The following MMP24 variants were observed in gnomAD, a reference collection of about 807,000 sequenced individuals.
MMP24 encodes the protein matrix metalloproteinase-24.
MMP24 carries 25 observed loss-of-function variants against 62.8 expected under a neutral mutation model. That is an observed-to-expected ratio of 0.40 (90% CI 0.29 to 0.56). MMP24 has a LOEUF of 0.56. MMP24 is among the 20% of genes least tolerant of loss of function. MMP24 has a pLI of 0.50. For missense variants in MMP24, 634 were observed against 853.6 expected, an observed-to-expected ratio of 0.74 and a Z score of 3.21; for synonymous variants, 319 against 350.5, an observed-to-expected ratio of 0.91 and a Z score of 1.00.
chr20:35,264,645 T>C (rs951662987), intron 5 of MMP24, among the ~76,000 whole-genome samples: 2 of 132,714 alleles, frequency 1.5e-5, no homozygotes, highest in African/African-American at 5.8e-5. Context: ...GAGGCAGAGG[T>C]TGCAGTGAGC....
At chr20:35,238,618 A>G (rs370824445) in intron 1 of MMP24, among the ~76,000 whole-genome samples, 31 of 152,268 alleles carry the variant, frequency 2.0e-4, no homozygotes, top group African/African-American at 7.0e-4. Flanking sequence ...TTAACTGCAG[A>G]GATGGAAAGC....
Position 35,275,189 on chromosome 20 carries a change from T to C in MMP24, c.*580T>C, listed in dbSNP as rs751436216. On this transcript the variant is annotated 3_prime_UTR_variant, in exon 9 of 9. Transcript: ENST00000246186. ...GATCCCTCAGGAAACCTGCTCCACT[T>C]GTCAGGGTCTCTTCGGAGACCCAGG... The C allele has an allele frequency of 6.8e-4, 106 of 156,332 alleles. No homozygotes were observed. Among genetic ancestry groups the C allele is most frequent in the Non-Finnish European group, 1.4e-3 (96 of 70,320 alleles). The allele number at this position is 156,332 out of a possible 1,614,324, so 9.7% of individuals were successfully genotyped here. A position where few individuals can be genotyped will look rare whatever the true frequency, so the allele number is the denominator to read the frequency against.
intron 4 of MMP24, among the ~76,000 whole-genome samples, chr20:35,262,538 T>A (rs1471931155): frequency 6.6e-6 from 1 of 151,240 alleles, no homozygotes; most frequent in African/African-American, 2.5e-5. Flanking sequence ...TCTCAGTAGA[T>A]GGAGCATACA....
At chr20:35,239,190 G>GCACC (rs1827506927) in intron 1 of MMP24, among the ~76,000 whole-genome samples, 1 of 151,912 alleles carries the variant, frequency 6.6e-6, no homozygotes, top group Non-Finnish European at 1.5e-5. Context: ...AGGATTACAG[G>GCACC]CGCACGCCCG....
rs774364378 is a variant in MMP24, at chr20:35,271,599, C to T, written c.1364C>T (p.Thr455Met). The change falls in exon 8 of 9, where the codon ACG becomes ATG. Residue 455 changes from threonine to methionine, a missense_variant. By Grantham distance (81) the Thr-to-Met change is moderately conservative. This residue lies in a region of MMP24 where 399 missense variants were observed against 530.8 expected (regional missense o/e 0.75). Transcript: ENST00000246186. This position sits in a 1 kb window ranked among gnomAD's most constrained non-coding sequence, Gnocchi z 4.0. The stretch of plus-strand genomic sequence containing the variant: ...AAGTATTGGGTGTTTAAGGAGGTGA[C>T]GGTGGAGCCTGGGTACCCCCACAGC... The part of the protein sequence containing the change: ...GDKYWVFKEV[T>M]VEPGYPHSLG... The T allele has an allele frequency of 6.8e-6, 11 of 1,612,722 alleles. No individual in the cohort carries two copies. The East Asian group carries it at 1.1e-4, about 16-fold the overall frequency.
At chr20:35,253,768 C>A (rs180737128) in intron 3 of MMP24, among the ~76,000 whole-genome samples, 1 of 147,806 alleles carries the variant, frequency 6.8e-6, no homozygotes, top group Non-Finnish European at 1.5e-5. Flanking sequence ...AAACTCCTCT[C>A]TATTATTTGA....
intron 1 of MMP24, among the ~76,000 whole-genome samples, chr20:35,244,731 C>CG (rs2060506099): frequency 1.3e-5 from 2 of 151,912 alleles, no homozygotes; most frequent in Non-Finnish European, 2.9e-5. Context: ...TGAGCCACCG[C>CG]GCCCAGCCGG....
intron 1 of MMP24, among the ~76,000 whole-genome samples, chr20:35,238,815 C>G (rs751293753): frequency 6.6e-6 from 1 of 152,206 alleles, no homozygotes; most frequent in Non-Finnish European, 1.5e-5. Context: ...CCAACCGGCT[C>G]TATTCTTCAC....
rs149443021 is a variant in MMP24, at chr20:35,274,587, G to A, written c.1916G>A (p.Arg639Gln). The A allele has an allele frequency of 1.8e-4, 291 of 1,612,702 alleles. 4 individuals carry two copies. The South Asian group carries it at 3.0e-3, about 16-fold the overall frequency. The change falls in exon 9 of 9, where the codon CGG (arginine) becomes CAG (glutamine). Residue 639 changes from arginine (R) to glutamine (Q), a missense_variant. Coordinates refer to ENST00000246186, the MANE Select transcript of MMP24 (RefSeq NM_006690.4). This position sits in a 1 kb window ranked among gnomAD's most constrained non-coding sequence, Gnocchi z 5.1. ...CCTCAGCCTGTCACCTACTATAAGCGGCCAGTCCAGGAATGGGTGTGAGCA... is the reference window on the plus strand; with the variant it reads ...CCTCAGCCTGTCACCTACTATAAGCAGCCAGTCCAGGAATGGGTGTGAGCA... ...TGPQPVTYYK[R>Q]PVQEWV
intron 6 of MMP24, chr20:35,267,783 T>C (rs1428894748): frequency 3.4e-6 from 1 of 294,786 alleles, no homozygotes; most frequent in Non-Finnish European, 6.5e-6. Flanking sequence ...AGTACCCGGC[T>C]CTGAAGATGG....
chr20:35,247,941 C>G (rs2060523996), intron 2 of MMP24, among the ~76,000 whole-genome samples: 1 of 152,108 alleles, frequency 6.6e-6, no homozygotes, highest in South Asian at 2.1e-4. Flanking sequence ...TGGGTAGCAG[C>G]TAGAGGATGA....
At chr20:35,258,482 C>T (rs1277977943) in intron 4 of MMP24, among the ~76,000 whole-genome samples, 1 of 152,210 alleles carries the variant, frequency 6.6e-6, no homozygotes, top group African/African-American at 2.4e-5. Flanking sequence ...ACGTTTCCCT[C>T]CATATATTTG....
intron 1 of MMP24, among the ~76,000 whole-genome samples, chr20:35,227,750 C>T (rs752131439): frequency 3.3e-5 from 5 of 152,124 alleles, no homozygotes; most frequent in Non-Finnish European, 7.3e-5. Context: ...ATGTTTTATA[C>T]GAATTATCCA....
intron 4 of MMP24, among the ~76,000 whole-genome samples, chr20:35,258,661 G>A (rs771934332): frequency 2.0e-5 from 3 of 152,094 alleles, no homozygotes; most frequent in Non-Finnish European, 2.9e-5. Flanking sequence ...CCTAGGTGGT[G>A]CTGGTACTTC....
In MMP24 at chr20:35,267,386, G is replaced by A; in HGVS notation, c.1161G>A (p.Val387=). ...TCTGTGACGGCAACTTCAACACAGTGGCCCTCTTCCGGGGCGAGATGTTTG... is the reference window on the plus strand; with the variant it reads ...TCTGTGACGGCAACTTCAACACAGTAGCCCTCTTCCGGGGCGAGATGTTTG... The part of the protein sequence containing the change: ...PNICDGNFNT[V]ALFRGEMFVF... Residue 387 remains valine (V), a synonymous_variant, in exon 6 of 9, where the codon GTG becomes GTA. Transcript: ENST00000246186. The A allele has an allele frequency of 6.4e-7, 1 of 1,569,246 alleles. No homozygotes were observed.
At chr20:35,248,277 T>C (rs974643794) in intron 2 of MMP24, among the ~76,000 whole-genome samples, 1 of 151,378 alleles carries the variant, frequency 6.6e-6, no homozygotes, top group Non-Finnish European at 1.5e-5. Context: ...GGTGTTGGAT[T>C]ATGGCTCTAA....
chr20:35,265,002 C>T (rs546412204), intron 5 of MMP24, among the ~76,000 whole-genome samples: 1 of 152,286 alleles, frequency 6.6e-6, no homozygotes, highest in South Asian at 2.1e-4. Context: ...CAGGCAGGAC[C>T]TCCACAAGTA....
rs745905013 is a variant in MMP24, at chr20:35,254,772, C to CA, written c.817+19dup. ...CCATGACGGTAAGGCCATGAGGGGA[C>CA]AGGGGTCAGTCTTGGGCTGCTCAGT... On this transcript the variant is annotated intron_variant, in intron 4 of 8. Coordinates refer to ENST00000246186, the MANE Select transcript of MMP24 (RefSeq NM_006690.4). The CA allele has an allele frequency of 3.8e-6, 6 of 1,598,198 alleles. No homozygotes were observed. In the African/African-American group the frequency reaches 8.0e-5, roughly 21 times the overall value.
intron 8 of MMP24, among the ~76,000 whole-genome samples, chr20:35,272,717 A>G (rs1446430129): frequency 6.6e-6 from 1 of 152,130 alleles, no homozygotes; most frequent in Non-Finnish European, 1.5e-5. Context: ...ATCTCCATTG[A>G]TATGGTCAAA....
Sources: gnomAD v4.1 joint callset for allele counts (sites outside exome capture counted in the v4.1 genomes callset) on GRCh38, gnomAD v4.1.1 for gene constraint, gnomAD v4.1.1 regional missense constraint, Gnocchi (gnomAD v3.1) non-coding constraint, MANE v1.5 for transcripts, NCBI Gene and HGNC (gene_info 2026-07-23, HGNC 2026-07-21) for gene names.